The following SUCLG2 variants were observed in gnomAD, a reference collection of about 807,000 sequenced individuals.
SUCLG2 encodes the protein succinate--CoA ligase [GDP-forming] subunit beta, mitochondrial.
Under a neutral mutation model 47.9 loss-of-function variants are expected in SUCLG2, and 42 were observed. The ratio of observed to expected loss-of-function variants is 0.88; its 90% CI spans 0.69 to 1.14. The LOEUF is 1.14. SUCLG2 is among the 50% of genes most tolerant of loss of function. SUCLG2 has a pLI of 0.00. For synonymous variants in SUCLG2, 195 were observed against 197.3 expected (o/e 0.99, Z 0.10); for missense variants, 571 against 525.9 (o/e 1.09, Z -0.84).
At chr3:67,476,637 C>T (rs1241437042) in intron 9 of SUCLG2, among the ~76,000 whole-genome samples, 3 of 152,196 alleles carry the variant, frequency 2.0e-5, no homozygotes, top group Non-Finnish European at 4.4e-5. Context: ...CCCTTGGACC[C>T]TCACTCAGTA....
chr3:67,531,553 T>C (rs991571402), intron 2 of SUCLG2, among the ~76,000 whole-genome samples: 1 of 152,196 alleles, frequency 6.6e-6, no homozygotes, highest in Admixed American at 6.5e-5. Context: ...GTCAAAGTAT[T>C]CCATGCAAAA....
At chr3:67,555,076 A>C (rs185262785) in intron 2 of SUCLG2, among the ~76,000 whole-genome samples, 10 of 152,252 alleles carry the variant, frequency 6.6e-5, no homozygotes, top group Non-Finnish European at 8.8e-5. Context: ...GAAGAGACAG[A>C]ACAGCTGGGA....
chr3:67,367,507 A>G (rs991426843), intron 10 of SUCLG2, among the ~76,000 whole-genome samples: 1 of 152,162 alleles, frequency 6.6e-6, no homozygotes, highest in African/African-American at 2.4e-5. Context: ...TATTATACCA[A>G]TGACCCATAT....
intron 9 of SUCLG2, among the ~76,000 whole-genome samples, chr3:67,454,961 C>CAAAAAAAAAAA (rs61683854): frequency 2.7e-5 from 3 of 111,616 alleles, no homozygotes; most frequent in African/African-American, 7.2e-5. Context: ...GACTCCGTCT[C>CAAAAAAAAAAA]AAAAAAAAAA....
intron 2 of SUCLG2, among the ~76,000 whole-genome samples, chr3:67,568,416 C>A (rs1707523348): frequency 6.6e-6 from 1 of 152,132 alleles, no homozygotes; most frequent in Non-Finnish European, 1.5e-5. Context: ...GATTCCACAG[C>A]AACACAGAAA....
intron 7 of SUCLG2, among the ~76,000 whole-genome samples, chr3:67,505,820 G>A (rs1451580030): frequency 6.6e-6 from 1 of 152,060 alleles, no homozygotes; most frequent in Non-Finnish European, 1.5e-5. Context: ...AAATTAGCTG[G>A]GCGCGGTGGT....
At chr3:67,489,315 G>A (rs772900555) in intron 9 of SUCLG2, among the ~76,000 whole-genome samples, 47 of 152,018 alleles carry the variant, frequency 3.1e-4, no homozygotes, top group Non-Finnish European at 5.3e-4. Flanking sequence ...AACTACTGCC[G>A]GGGGAAAAAA....
chr3:67,479,608 T>C (rs146606571), intron 9 of SUCLG2, among the ~76,000 whole-genome samples: 1 of 152,278 alleles, frequency 6.6e-6, no homozygotes, highest in East Asian at 1.9e-4. Flanking sequence ...GCAAAACACT[T>C]ATAAATCAAG....
intron 10 of SUCLG2, among the ~76,000 whole-genome samples, chr3:67,397,254 G>T (rs1419243464): frequency 6.6e-6 from 1 of 152,208 alleles, no homozygotes; most frequent in Non-Finnish European, 1.5e-5. Flanking sequence ...CAGATGACAT[G>T]ACTGTATATC....
chr3:67,622,243 G>A (rs1042893149), intron 1 of SUCLG2, among the ~76,000 whole-genome samples: 1 of 152,100 alleles, frequency 6.6e-6, no homozygotes, highest in African/African-American at 2.4e-5. Context: ...AAAACACAGG[G>A]GAAAAACTAG....
intron 10 of SUCLG2, among the ~76,000 whole-genome samples, chr3:67,388,878 G>C (rs143539853): frequency 6.6e-4 from 100 of 152,238 alleles, no homozygotes; most frequent in African/African-American, 2.4e-3. Context: ...GGTAAGAATT[G>C]AATCATTGCA....
At chr3:67,591,938 G>C (rs1185366323) in intron 2 of SUCLG2, among the ~76,000 whole-genome samples, 1 of 152,068 alleles carries the variant, frequency 6.6e-6, no homozygotes, top group East Asian at 1.9e-4. Context: ...AAATGCAGCA[G>C]GAAACCTACC....
At chr3:67,417,681 C>T (rs1036236243) in intron 9 of SUCLG2, among the ~76,000 whole-genome samples, 12 of 152,128 alleles carry the variant, frequency 7.9e-5, no homozygotes, top group Non-Finnish European at 1.6e-4. Flanking sequence ...AATGATTTAA[C>T]ACATAACCCA....
At chr3:67,365,790 T>A (rs1178070159) in intron 10 of SUCLG2, among the ~76,000 whole-genome samples, 1 of 152,212 alleles carries the variant, frequency 6.6e-6, no homozygotes, top group Non-Finnish European at 1.5e-5. Context: ...TTTTAAACTT[T>A]TTTGTGAGAA....
intron 1 of SUCLG2, among the ~76,000 whole-genome samples, chr3:67,648,052 G>A (rs925155188): frequency 6.6e-6 from 1 of 152,146 alleles, no homozygotes; most frequent in Admixed American, 6.5e-5. Flanking sequence ...TAATCATCCT[G>A]GGCCCACCAT....
At chr3:67,503,803 T>C (rs1375113394) in intron 7 of SUCLG2, among the ~76,000 whole-genome samples, 2 of 152,344 alleles carry the variant, frequency 1.3e-5, no homozygotes, top group East Asian at 1.9e-4. Flanking sequence ...AAGAAAGCTG[T>C]GGTACTTATA....
rs372847700 is a variant in SUCLG2, at chr3:67,594,984, C to T, written c.226+14471G>A. Among the ~76,000 whole-genome samples, 40 of 152,124 alleles carry T rather than the reference C, an allele frequency of 2.6e-4. No homozygotes were observed. In the South Asian group the frequency reaches 7.9e-3, roughly 30 times the overall value. On this transcript the variant is annotated intron_variant, in intron 2 of 10. Coordinates refer to ENST00000307227, the MANE Select transcript of SUCLG2 (RefSeq NM_003848.4). ...CAAGATCAGACTCCAATAACGATAC[C>T]CCCTCCCCACCAAAAAAACTACTTT...
intron 1 of SUCLG2, among the ~76,000 whole-genome samples, chr3:67,651,756 T>G (rs1476477502): frequency 6.6e-6 from 1 of 152,190 alleles, no homozygotes; most frequent in Non-Finnish European, 1.5e-5. Flanking sequence ...TTTCAGTATG[T>G]CTTATATTTC....
chr3:67,501,668 C>T (rs1705497841), intron 7 of SUCLG2, among the ~76,000 whole-genome samples: 1 of 152,022 alleles, frequency 6.6e-6, no homozygotes, highest in Non-Finnish European at 1.5e-5. Flanking sequence ...GAAATTTCAG[C>T]CCCACCTCCA....
Sources: gnomAD v4.1 joint callset for allele counts (sites outside exome capture counted in the v4.1 genomes callset) on GRCh38, gnomAD v4.1.1 for gene constraint, MANE v1.5 for transcripts, NCBI Gene and HGNC (gene_info 2026-07-23, HGNC 2026-07-21) for gene names.